Variants in CADPS observed in about 807,000 individuals in gnomAD.
CADPS encodes calcium-dependent secretion activator 1.
Under a neutral mutation model 167.3 loss-of-function variants are expected in CADPS, and 57 were observed. The ratio of observed to expected loss-of-function variants is 0.34; its 90% CI spans 0.28 to 0.42. The LOEUF (loss-of-function observed/expected upper bound fraction) is 0.42, where lower values mean the gene tolerates loss of function less well. Among genes scored for constraint, CADPS ranks in the 20% least tolerant of loss-of-function variants. The pLI is 1.00. For synonymous variants in CADPS, 676 were observed against 635.3 expected (o/e 1.06, Z -0.96); for missense variants, 1,414 against 1,738.1 (o/e 0.81, Z 3.32).
At chr3:62,832,828 G>T (rs1294219096) in intron 1 of CADPS, among the ~76,000 whole-genome samples, 2 of 152,150 alleles carry the variant, frequency 1.3e-5, no homozygotes, top group East Asian at 1.9e-4. Context: ...TCCCAATCTC[G>T]CAGTCATAAA....
intron 3 of CADPS, among the ~76,000 whole-genome samples, chr3:62,729,277 T>A (rs1310404687): frequency 1.3e-5 from 2 of 151,898 alleles, no homozygotes; most frequent in Non-Finnish European, 2.9e-5. Context: ...CATAATGGAA[T>A]GACTAAGGGC....
At chr3:62,459,562 C>G (rs1477052067) in intron 26 of CADPS, among the ~76,000 whole-genome samples, 1 of 152,190 alleles carries the variant, frequency 6.6e-6, no homozygotes, top group Non-Finnish European at 1.5e-5. Context: ...CCAAGCAAAA[C>G]TCTACTTATT....
intron 6 of CADPS, among the ~76,000 whole-genome samples, chr3:62,600,159 T>TG (rs1259186385): frequency 1.3e-5 from 2 of 149,030 alleles, no homozygotes; most frequent in Admixed American, 1.4e-4. Flanking sequence ...TCTTTCTTTT[T>TG]TTTTTTTTTG....
At chr3:62,730,767 T>G (rs929230272) in intron 3 of CADPS, among the ~76,000 whole-genome samples, 2 of 152,228 alleles carry the variant, frequency 1.3e-5, no homozygotes, top group Non-Finnish European at 2.9e-5. Flanking sequence ...GTTGCATACT[T>G]TCCTGACGTC....
intron 1 of CADPS, among the ~76,000 whole-genome samples, chr3:62,789,138 T>A (rs923591548): frequency 6.6e-6 from 1 of 152,212 alleles, no homozygotes; most frequent in Non-Finnish European, 1.5e-5. Flanking sequence ...CACATATTCA[T>A]TCTCAATCAC....
At chr3:62,536,348 G>A (rs988060039) in intron 12 of CADPS, 97 bp downstream of exon 12, 1 of 1,056,030 alleles carries the variant, frequency 9.5e-7, no homozygotes, top group Non-Finnish European at 1.4e-6. Flanking sequence ...AAGGGATTCT[G>A]TAATGGAGAA....
At chr3:62,846,637 C>CTTTTTTTGTTTGTTTTTTGGTA (rs1245861809) in intron 1 of CADPS, among the ~76,000 whole-genome samples, 1 of 151,940 alleles carries the variant, frequency 6.6e-6, no homozygotes, top group African/African-American at 2.4e-5. Flanking sequence ...AAGATTGGGT[C>CTTTTTTTGTTTGTTTTTTGGTA]TTTTTTTGTT....
chr3:62,477,068 C>T (rs960401264), intron 23 of CADPS, among the ~76,000 whole-genome samples: 1 of 152,180 alleles, frequency 6.6e-6, no homozygotes, highest in African/African-American at 2.4e-5. Flanking sequence ...CCAGATTCTC[C>T]ATAGTGCATA....
intron 10 of CADPS, among the ~76,000 whole-genome samples, chr3:62,556,454 T>C (rs2078162373): frequency 6.6e-6 from 1 of 152,226 alleles, no homozygotes; most frequent in South Asian, 2.1e-4. Flanking sequence ...TCTGTTTTTC[T>C]TTTATGTGTA....
chr3:62,515,987 A>G (rs911600545), intron 16 of CADPS, 72 bp downstream of exon 16: 77 of 1,583,606 alleles, frequency 4.9e-5, no homozygotes, highest in Non-Finnish European at 1.7e-5. Context: ...TGCCCTTGAG[A>G]AAAGAGAAAG....
At chr3:62,722,119 G>A (rs7624113) in intron 3 of CADPS, among the ~76,000 whole-genome samples, 27 of 152,200 alleles carry the variant, frequency 1.8e-4, no homozygotes, top group Admixed American at 7.9e-4. Flanking sequence ...AGTATCTTGT[G>A]CAAAATCACA....
intron 12 of CADPS, among the ~76,000 whole-genome samples, chr3:62,535,181 A>T (rs1403251933): frequency 6.6e-6 from 1 of 151,664 alleles, no homozygotes; most frequent in African/African-American, 2.4e-5. Context: ...TGTACAAAAC[A>T]CATTTGAGAA....
chr3:62,495,056 TTAATA>T (rs2064470588), intron 18 of CADPS, among the ~76,000 whole-genome samples: 1 of 152,176 alleles, frequency 6.6e-6, no homozygotes, highest in African/African-American at 2.4e-5. Context: ...TCATTGTAAT[TTAATA>T]TATTATTGAG....
At chr3:62,813,904 G>C (rs1441189522) in intron 1 of CADPS, among the ~76,000 whole-genome samples, 1 of 152,082 alleles carries the variant, frequency 6.6e-6, no homozygotes, top group Admixed American at 6.6e-5. Context: ...TTCCAACACA[G>C]AGTAGAAGCT....
At position 62,753,484 on chromosome 3, in the gene CADPS, C is replaced by T. The variant is rs754949575; in HGVS notation, c.845G>A (p.Gly282Glu). The change falls in exon 3 of 30, where the codon GGG becomes GAG. Residue 282 changes from glycine to glutamate, a missense_variant. Physicochemically the swap from Gly to Glu is moderately conservative, Grantham distance 98. Coordinates refer to ENST00000383710, the MANE Select transcript of CADPS (RefSeq NM_003716.4). The surrounding 1 kb of genome is among the most constrained non-coding windows in gnomAD (Gnocchi z 4.6). ...QLYEMFQNIL[G>E]IKKFEHQLLY... ...GAGCTGATGTTCGAACTTCTTGATC[C>T]CAAGAATGTTCTGGAACATCTCATA... The T allele has an allele frequency of 1.9e-6, 3 of 1,613,808 alleles. No homozygotes were observed. The highest frequency in any genetic ancestry group is 2.5e-6 in the Non-Finnish European group (3 of 1,179,796).
intron 27 of CADPS, among the ~76,000 whole-genome samples, chr3:62,444,790 T>C (rs1356523936): frequency 2.0e-5 from 3 of 152,178 alleles, no homozygotes; most frequent in Non-Finnish European, 4.4e-5. Flanking sequence ...CCTGGGGAAA[T>C]GAATTTAAAT....
intron 1 of CADPS, among the ~76,000 whole-genome samples, chr3:62,848,262 G>A (rs1173643386): frequency 4.2e-5 from 5 of 119,210 alleles, no homozygotes; most frequent in Admixed American, 8.5e-5. Context: ...TTCTTTTGCT[G>A]TGCAGAAGCT....
intron 7 of CADPS, among the ~76,000 whole-genome samples, chr3:62,585,912 G>C (rs1389008211): frequency 6.6e-6 from 1 of 152,208 alleles, no homozygotes; most frequent in East Asian, 1.9e-4. Context: ...CCCGGGCATG[G>C]AGGAAAGCAC....
At chr3:62,484,326 A>G (rs2062483321) in intron 21 of CADPS, among the ~76,000 whole-genome samples, 1 of 152,216 alleles carries the variant, frequency 6.6e-6, no homozygotes, top group Non-Finnish European at 1.5e-5. Context: ...ATAATATTTT[A>G]CTAATATACA....
Sources: gnomAD v4.1 joint callset for allele counts (sites outside exome capture counted in the v4.1 genomes callset) on GRCh38, gnomAD v4.1.1 for gene constraint, Gnocchi (gnomAD v3.1) non-coding constraint, MANE v1.5 for transcripts, NCBI Gene and HGNC (gene_info 2026-07-23, HGNC 2026-07-21) for gene names.